Variants in CSMD1 observed in about 807,000 individuals in gnomAD.
CSMD1 encodes the protein CUB and sushi domain-containing protein 1.
A neutral mutation model predicts 417.5 loss-of-function variants in CSMD1; 213 were observed. The observed-to-expected ratio is 0.51, with a 90% CI of 0.46 to 0.57. The LOEUF is 0.57. Ranked by LOEUF, CSMD1 falls within the 20% of genes least tolerant of loss-of-function variation. The pLI is 0.00. For missense variants in CSMD1, 6,923 were observed against 4,529.7 expected (o/e 1.53, Z -15.17); for synonymous variants, 2,862 against 1,736.8 (o/e 1.65, Z -16.11).
intron 1 of CSMD1, among the ~76,000 whole-genome samples, chr8:4,821,271 A>T (rs532275648): frequency 6.6e-6 from 1 of 152,308 alleles, no homozygotes; most frequent in African/African-American, 2.4e-5. Context: ...AATTGAGGCA[A>T]ATATGAATAG....
At chr8:4,309,475 T>C (rs995311023) in intron 3 of CSMD1, among the ~76,000 whole-genome samples, 3 of 150,428 alleles carry the variant, frequency 2.0e-5, no homozygotes, top group Admixed American at 6.6e-5. Context: ...AAAATAAATA[T>C]TAAATGCATT....
intron 41 of CSMD1, among the ~76,000 whole-genome samples, chr8:3,125,760 T>A (rs1436072635): frequency 6.6e-6 from 1 of 152,214 alleles, no homozygotes; most frequent in Non-Finnish European, 1.5e-5. Flanking sequence ...GCAGATTACC[T>A]GAGATCAGGA....
intron 41 of CSMD1, among the ~76,000 whole-genome samples, chr8:3,134,972 G>A (rs939755529): frequency 1.3e-5 from 2 of 152,188 alleles, no homozygotes; most frequent in African/African-American, 4.8e-5. Flanking sequence ...TGCCCAGGCT[G>A]GAGTGCAGTG....
chr8:3,575,449 T>C (rs553973998), intron 9 of CSMD1, among the ~76,000 whole-genome samples: 20 of 152,318 alleles, frequency 1.3e-4, no homozygotes, highest in African/African-American at 3.9e-4. Context: ...CCTAATTGTG[T>C]GCGACTGCAG....
intron 25 of CSMD1, among the ~76,000 whole-genome samples, chr8:3,299,147 G>C (rs901864774): frequency 1.3e-5 from 2 of 152,040 alleles, no homozygotes; most frequent in African/African-American, 4.8e-5. Context: ...ACTAGGTAAA[G>C]GAAGTTAAAA....
At chr8:3,351,575 C>T (rs1238662048) in intron 21 of CSMD1, among the ~76,000 whole-genome samples, 2 of 141,302 alleles carry the variant, frequency 1.4e-5, no homozygotes, top group African/African-American at 2.6e-5. Flanking sequence ...TCAGCCTGGG[C>T]GACACAGTGT....
intron 30 of CSMD1, among the ~76,000 whole-genome samples, chr8:3,207,016 G>A (rs563215776): frequency 1.3e-5 from 2 of 152,144 alleles, no homozygotes; most frequent in South Asian, 4.2e-4. Context: ...GCTGGCTGTG[G>A]CCTGACTGCA....
chr8:3,855,131 A>T lies in CSMD1; in HGVS notation c.819-101089T>A, dbSNP rs1429267533. Among the ~76,000 whole-genome samples, 5 of 152,250 alleles carry T rather than the reference A, an allele frequency of 3.3e-5. No homozygotes were observed. In the South Asian group the frequency reaches 8.3e-4, roughly 25 times the overall value. On this transcript the variant is annotated intron_variant, in intron 5 of 69. Transcript: ENST00000635120. ...GCTATGGTTTTAAATATTTTTCTGTACTCTCTATTTTCATAATGTTTCTAA... is the reference window on the plus strand; with the variant it reads ...GCTATGGTTTTAAATATTTTTCTGTTCTCTCTATTTTCATAATGTTTCTAA...
intron 3 of CSMD1, among the ~76,000 whole-genome samples, chr8:4,177,951 C>G (rs1584964931): frequency 6.6e-6 from 1 of 152,024 alleles, no homozygotes; most frequent in African/African-American, 2.4e-5. Flanking sequence ...GCTTATCAAC[C>G]AAAAAGAGTC....
rs542442593 is a variant in CSMD1 at position 3,859,614 on chromosome 8, G to A, written c.819-105572C>T. The stretch of plus-strand genomic sequence containing the variant: ...AAAGACCAACCATGTTATTTATGGT[G>A]GGAGCTTTGGTTTACATGACGTCAG... On this transcript the variant is annotated intron_variant, in intron 5 of 69. Coordinates refer to ENST00000635120, the MANE Select transcript of CSMD1 (RefSeq NM_033225.6). Among the ~76,000 whole-genome samples the A allele has an allele frequency of 2.6e-5, 4 of 152,254 alleles. No homozygotes were observed. The South Asian group carries it at 6.2e-4, about 24-fold the overall frequency.
intron 7 of CSMD1, among the ~76,000 whole-genome samples, chr8:3,652,212 T>TCAGAGCGCCATCACCAC (rs1797893267): frequency 1.4e-5 from 2 of 147,950 alleles, no homozygotes; most frequent in Non-Finnish European, 3.0e-5. Context: ...CCTACCACCA[T>TCAGAGCGCCATCACCAC]CAGAGCGCCA....
At chr8:4,780,480 T>C (rs1166407358) in intron 1 of CSMD1, among the ~76,000 whole-genome samples, 5 of 152,244 alleles carry the variant, frequency 3.3e-5, no homozygotes, top group African/African-American at 1.2e-4. Flanking sequence ...CTCCTTTATA[T>C]AGCCCTTTTA....
rs369903002 is a variant in CSMD1 at position 3,800,679 on chromosome 8, G to A, written c.819-46637C>T. 2.8e-4 allele frequency among the ~76,000 whole-genome samples: 42 copies of A among 152,276 alleles called. 1 individual carries two copies. In the South Asian group the frequency reaches 6.4e-3, roughly 23 times the overall value. On this transcript the variant is annotated intron_variant, in intron 5 of 69. Coordinates refer to ENST00000635120, the MANE Select transcript of CSMD1 (RefSeq NM_033225.6). ...TCATGAACGGCTTGGTGATATTCTC[G>A]TGGGAGTGAGTGAGTTCTTGTTCTG... is the stretch of plus-strand genomic sequence containing the variant.
At chr8:3,936,930 A>G (rs1456384503) in intron 5 of CSMD1, among the ~76,000 whole-genome samples, 1 of 152,192 alleles carries the variant, frequency 6.6e-6, no homozygotes, top group Non-Finnish European at 1.5e-5. Flanking sequence ...TTTGTGATTC[A>G]TGGGAAGAGG....
intron 37 of CSMD1, among the ~76,000 whole-genome samples, chr8:3,164,011 G>A (rs1412491300): frequency 1.3e-5 from 2 of 152,186 alleles, no homozygotes; most frequent in Non-Finnish European, 2.9e-5. Flanking sequence ...TGTAAGAGAT[G>A]TGTTCACCAG....
chr8:3,610,409 C>T (rs1399438378), intron 8 of CSMD1, among the ~76,000 whole-genome samples: 1 of 152,004 alleles, frequency 6.6e-6, no homozygotes, highest in African/African-American at 2.4e-5. Context: ...GTGGCTCATG[C>T]TTATACTCCC....
chr8:4,823,977 C>T (rs181215510), intron 1 of CSMD1, among the ~76,000 whole-genome samples: 15 of 151,890 alleles, frequency 9.9e-5, no homozygotes, highest in East Asian at 5.8e-4. Context: ...TACACACCCA[C>T]GCATGGACAC....
chr8:3,618,959 T>C (rs1802283053), intron 7 of CSMD1, among the ~76,000 whole-genome samples: 1 of 152,068 alleles, frequency 6.6e-6, no homozygotes, highest in Admixed American at 6.6e-5. Context: ...TTTCCTGACT[T>C]GCAGGTCAGA....
At chr8:3,724,089 C>T (rs4446762) in intron 6 of CSMD1, among the ~76,000 whole-genome samples, 36,489 of 80,338 alleles carry the variant, frequency 0.45, 5,324 homozygotes, top group South Asian at 0.62. Context: ...AATAACAGAG[C>T]ACAGCACATT....
Sources: allele counts gnomAD v4.1 joint callset (sites outside exome capture counted in the v4.1 genomes callset), GRCh38; gene constraint gnomAD v4.1.1; transcripts MANE v1.5; gene names NCBI Gene and HGNC (gene_info 2026-07-23, HGNC 2026-07-21).